The following TIMM50 variants were observed in gnomAD, a reference collection of about 807,000 sequenced individuals.
TIMM50 encodes translocase of inner mitochondrial membrane 50.
Under a neutral mutation model 49.6 loss-of-function variants are expected in TIMM50, and 34 were observed. That is an observed-to-expected ratio of 0.69 (90% confidence interval 0.52 to 0.91). The LOEUF is 0.91. TIMM50 is among the 40% of genes least tolerant of loss of function. The pLI is 0.00. For missense variants in TIMM50, 458 were observed against 477.8 expected, an observed-to-expected ratio of 0.96 and a Z score of 0.39; for synonymous variants, 199 against 198.4, an observed-to-expected ratio of 1.00 and a Z score of -0.03.
At position 39,489,870 on chromosome 19, in the gene TIMM50, C is replaced by G. The variant is rs1164858418; in HGVS notation, c.*50C>G. 1 of 1,533,042 alleles carries G rather than the reference C, an allele frequency of 6.5e-7. No homozygotes were observed. Among genetic ancestry groups the G allele is most frequent in the Middle Eastern group, 1.7e-4 (1 of 5,954 alleles). 95.0% of individuals were successfully genotyped at this position (1,533,042 alleles called of 1,614,324 possible). On this transcript the variant is annotated 3_prime_UTR_variant, in exon 11 of 11. Coordinates refer to ENST00000607714, the MANE Select transcript of TIMM50 (RefSeq NM_001001563.5). ...GCCTGGGTCCAGGGCCCCAGTGCTTCCAGACCAAGACTTGGGCCACCACTT... is the reference window on the plus strand; with the variant it reads ...GCCTGGGTCCAGGGCCCCAGTGCTTGCAGACCAAGACTTGGGCCACCACTT...
In TIMM50 at chr19:39,480,933, C is replaced by G. The variant is rs1267753206; in HGVS notation, c.80C>G (p.Ala27Gly). 1.3e-6 allele frequency: 2 copies of G among 1,585,186 alleles called. No homozygotes were observed. Among genetic ancestry groups the G allele is most frequent in the Admixed American group, 1.7e-5 (1 of 57,384 alleles). ...LGSRGLCTRL[A>G]TPPRRAPDQA... The stretch of plus-strand genomic sequence containing the variant: ...TCGCGGGGACTGTGCACGAGGTTGG[C>G]GACGCCGCCCCGCCGGGCCCCAGAT... Residue 27 changes from alanine (A) to glycine (G), a missense_variant, in exon 1 of 11, where the codon GCG (alanine) becomes GGG (glycine). Ala to Gly is a moderately conservative substitution (Grantham distance 60, BLOSUM62 0). Coordinates refer to ENST00000607714, the MANE Select transcript of TIMM50 (RefSeq NM_001001563.5).
Position 39,483,157 on chromosome 19 carries a change from G to T in TIMM50, c.313+1G>T. 6.2e-7 allele frequency: 1 copy of T among 1,614,110 alleles called. No homozygotes were observed. Among genetic ancestry groups the T allele is most frequent in the Non-Finnish European group, 8.5e-7 (1 of 1,180,014 alleles). On this transcript the variant is annotated splice_donor_variant, in intron 4 of 10. Coordinates refer to ENST00000607714, the MANE Select transcript of TIMM50 (RefSeq NM_001001563.5). LOFTEE classifies it high-confidence loss of function. ...CAGATTCCTGATGAGTTCGACAATG[G>T]TGAGTAAACAAGCACAGATTCTGGA...
At chr19:39,487,796 T>C (rs2079517307) in intron 8 of TIMM50, among the ~76,000 whole-genome samples, 1 of 152,050 alleles carries the variant, frequency 6.6e-6, no homozygotes, top group South Asian at 2.1e-4. Context: ...TTCACCATTT[T>C]AGCCAGGCTG....
intron 1 of TIMM50, 59 bp from the exon 2 acceptor site, chr19:39,481,824 G>A (rs112619581): frequency 6.4e-6 from 10 of 1,573,444 alleles, no homozygotes; most frequent in South Asian, 1.1e-5. Context: ...TGGACTGGAG[G>A]GTGGGGACCA....
chr19:39,491,837 A>G lies in TIMM50; in HGVS notation c.*2017A>G, dbSNP rs1333473785. 3 of 151,166 alleles carry G rather than the reference A, an allele frequency of 2.0e-5. No individual in the cohort carries two copies. The highest frequency in any genetic ancestry group is 7.3e-5 in the African/African-American group (3 of 41,074). The allele number at this position is 151,166 out of a possible 1,614,324, so 9.4% of individuals were successfully genotyped here. ...GCGAGACCCTGTCTCAAAAAAAAAA[A>G]AAAAAAAAAAAAAACCTTAAGATTT... On this transcript the variant is annotated 3_prime_UTR_variant, in exon 11 of 11. Transcript: ENST00000607714.
Position 39,482,878 on chromosome 19 carries a change from C to T in TIMM50, c.260-7C>T, listed in dbSNP as rs532671258. ...ATTCCTCATATTCATCCTGGTCTCC[C>T]TTGCAGGAAACAACCCGGTGGACGA... On this transcript the variant is annotated splice_polypyrimidine_tract_variant and splice_region_variant and intron_variant, in intron 2 of 10. Transcript: ENST00000607714. 2.4e-5 allele frequency: 38 copies of T among 1,614,080 alleles called. No homozygotes were observed. In the South Asian group the frequency reaches 4.0e-4, roughly 17 times the overall value.
In TIMM50 at chr19:39,486,478, G is replaced by C. The variant is rs1481350051; in HGVS notation, c.679G>C (p.Asp227His). The change falls in exon 8 of 11, where the codon GAT becomes CAT. Residue 227 changes from aspartate (D) to histidine (H), a missense_variant. By Grantham distance (81) the Asp-to-His change is moderately conservative. Transcript: ENST00000607714. ...ATTCCGGGACGCCACAAGATACATG[G>C]ATGGACACCATGTAAAGGTGCCGTG... ...RLFRDATRYM[D>H]GHHVKDISCL... The C allele has an allele frequency of 1.2e-6, 2 of 1,614,046 alleles. No homozygotes were observed. Among genetic ancestry groups the C allele is most frequent in the East Asian group, 4.5e-5 (2 of 44,890 alleles).
intron 4 of TIMM50, among the ~76,000 whole-genome samples, chr19:39,484,626 G>A (rs1433473052): frequency 6.6e-6 from 1 of 152,000 alleles, no homozygotes; most frequent in Non-Finnish European, 1.5e-5. Flanking sequence ...CCCAGGGGTA[G>A]GCAGATAGAC....
In TIMM50 at chr19:39,485,684, A is replaced by G; in HGVS notation, c.373-4A>G. ...AGCGCCCCCATCCTGTCCCTCTCCC[A>G]CAGATGATCATCGAGCCCACCAGCC... On this transcript the variant is annotated splice_polypyrimidine_tract_variant and splice_region_variant and intron_variant, in intron 5 of 10. Transcript: ENST00000607714. The G allele has an allele frequency of 6.2e-7, 1 of 1,613,914 alleles. No homozygotes were observed.
chr19:39,483,467 C>A, intron 4 of TIMM50: 3 of 381,712 alleles, frequency 7.9e-6, no homozygotes, highest in Admixed American at 8.5e-5. Context: ...ATCTGCGGTT[C>A]CCAACTCCTT....
chr19:39,483,542 C>A (rs1001558733), intron 4 of TIMM50: 2 of 203,802 alleles, frequency 9.8e-6, no homozygotes, highest in South Asian at 1.3e-4. Context: ...CTTCCTCTCT[C>A]CCCTTCTGGT....
At position 39,491,208 on chromosome 19, in the gene TIMM50, C is replaced by T. The variant is rs375938284; in HGVS notation, c.*1388C>T. 52 of 150,816 alleles carry T rather than the reference C, an allele frequency of 3.4e-4. 1 individual carries two copies. The South Asian group carries it at 0.01, about 30-fold the overall frequency. 9.3% of individuals were successfully genotyped at this position (150,816 alleles called of 1,614,324 possible). A position where few individuals can be genotyped will look rare whatever the true frequency, so the allele number is the denominator to read the frequency against. The stretch of plus-strand genomic sequence containing the variant: ...TGAGACGGAGTTTCGCTCTTATTGC[C>T]CAGGCTGGAGTGCAATGGCACGACG... On this transcript the variant is annotated 3_prime_UTR_variant, in exon 11 of 11. Transcript: ENST00000607714.
Position 39,488,158 on chromosome 19 carries a change from G to C in TIMM50, c.794G>C (p.Arg265Pro). The part of the protein sequence containing the change: ...RLQPYNGVAL[R>P]PWDGNSDDRV... Reference sequence around the variant, plus strand: ...CAGCCCTATAACGGCGTTGCCCTGCGGCCCTGGGACGGCAACTCTGATGAC... The same window carrying C: ...CAGCCCTATAACGGCGTTGCCCTGCCGCCCTGGGACGGCAACTCTGATGAC... Residue 265 changes from arginine to proline, a missense_variant, in exon 9 of 11, where the codon CGG becomes CCG. Transcript: ENST00000607714. 1 of 1,614,036 alleles carries C rather than the reference G, an allele frequency of 6.2e-7. No homozygotes were observed. The highest frequency in any genetic ancestry group is 1.1e-5 in the South Asian group (1 of 91,088).
chr19:39,481,170 C>T (rs2079468593), intron 1 of TIMM50: 1 of 622,242 alleles, frequency 1.6e-6, no homozygotes, highest in East Asian at 3.2e-5. Flanking sequence ...CCCCACCTCC[C>T]ACCCACGTGG....
Position 39,488,122 on chromosome 19 carries a change from C to A in TIMM50, c.758C>A (p.Ala253Asp). ...RVVVVDCKKE[A>D]FRLQPYNGVA... ...GTAGTTGTGGACTGCAAGAAGGAAG[C>A]CTTCCGCCTGCAGCCCTATAACGGC... is the stretch of plus-strand genomic sequence containing the variant. Residue 253 changes from alanine (A) to aspartate (D), a missense_variant, in exon 9 of 11, where the codon GCC becomes GAC. Coordinates refer to ENST00000607714, the MANE Select transcript of TIMM50 (RefSeq NM_001001563.5). The A allele has an allele frequency of 6.2e-7, 1 of 1,613,980 alleles. No individual in the cohort carries two copies. The highest frequency in any genetic ancestry group is 8.5e-7 in the Non-Finnish European group (1 of 1,179,858).
In TIMM50 at chr19:39,488,251, C is replaced by A. The variant is rs760217413; in HGVS notation, c.853+34C>A. The A allele has an allele frequency of 1.9e-6, 3 of 1,585,418 alleles. No individual in the cohort carries two copies. The South Asian group carries it at 3.4e-5, about 18-fold the overall frequency. The stretch of plus-strand genomic sequence containing the variant: ...GACCCCTGATCCCTTGGCCTCTGAC[C>A]CCAGAGCCCCTGACTCTGAAGAGGA... On this transcript the variant is annotated intron_variant, in intron 9 of 10. Transcript: ENST00000607714.
chr19:39,483,247 C>T (rs1037335295), intron 4 of TIMM50, 91 bp downstream of exon 4: 151 of 1,548,582 alleles, frequency 9.8e-5, no homozygotes, highest in Non-Finnish European at 1.3e-4. Flanking sequence ...TGTCTCCGGC[C>T]CCTCCTCCTT....
intron 9 of TIMM50, 127 bp downstream of exon 9, chr19:39,488,344 T>C: frequency 2.5e-6 from 3 of 1,217,370 alleles, no homozygotes; most frequent in Non-Finnish European, 3.5e-6. Flanking sequence ...TTGGAGTCTT[T>C]AGGAGCTTCT....
chr19:39,483,399 T>C (rs1039087399), intron 4 of TIMM50: 2 of 564,260 alleles, frequency 3.5e-6, no homozygotes, highest in Non-Finnish European at 6.3e-6. Context: ...GTGGGAGGGC[T>C]TGGGGACACA....
Sources: gnomAD v4.1 joint callset for allele counts (sites outside exome capture counted in the v4.1 genomes callset) on GRCh38, gnomAD v4.1.1 for gene constraint, MANE v1.5 for transcripts, NCBI Gene and HGNC (gene_info 2026-07-23, HGNC 2026-07-21) for gene names.